Variants in PDE4D observed in about 807,000 individuals in gnomAD.
The protein encoded by PDE4D is 3',5'-cyclic-AMP phosphodiesterase 4D.
PDE4D carries 24 observed loss-of-function variants against 87.4 expected under a neutral mutation model. The ratio of observed to expected loss-of-function variants is 0.27; its 90% CI spans 0.20 to 0.39. PDE4D has a LOEUF of 0.39. Ranked by LOEUF, PDE4D falls within the 10% of genes least tolerant of loss-of-function variation. PDE4D has a pLI of 1.00. For synonymous variants in PDE4D, 384 were observed against 383.2 expected, an observed-to-expected ratio of 1.00 and a Z score of -0.02; for missense variants, 714 against 1,041.0, an observed-to-expected ratio of 0.69 and a Z score of 4.32.
chr5:59,658,968 A>G (rs2150275987), intron 1 of PDE4D, among the ~76,000 whole-genome samples: 1 of 152,182 alleles, frequency 6.6e-6, no homozygotes, highest in African/African-American at 2.4e-5. Flanking sequence ...GCACCACTGC[A>G]CTCCAGTCTG....
chr5:59,042,242 C>T (rs773882477), intron 5 of PDE4D, among the ~76,000 whole-genome samples: 10 of 152,086 alleles, frequency 6.6e-5, no homozygotes, highest in Non-Finnish European at 1.2e-4. Flanking sequence ...TAGCTAGCCA[C>T]GATTTTTCAG....
chr5:59,727,603 C>T (rs142923179), intron 1 of PDE4D, among the ~76,000 whole-genome samples: 8 of 152,066 alleles, frequency 5.3e-5, no homozygotes, highest in African/African-American at 1.7e-4. Context: ...ATCCTCAGAA[C>T]AGCTACTAAA....
chr5:59,208,135 C>G (rs1403667004), intron 2 of PDE4D, among the ~76,000 whole-genome samples: 2 of 152,126 alleles, frequency 1.3e-5, no homozygotes, highest in South Asian at 4.1e-4. Flanking sequence ...CCACTGCACT[C>G]CAACCTGCGC....
chr5:60,046,174 T>G (rs949676472), intron 2 of PDE4D, among the ~76,000 whole-genome samples: 1 of 152,210 alleles, frequency 6.6e-6, no homozygotes, highest in Non-Finnish European at 1.5e-5. Flanking sequence ...GTTTGTCTGT[T>G]GTTGGTGTAT....
chr5:60,335,724 G>T (rs1190820139), intron 1 of PDE4D, among the ~76,000 whole-genome samples: 1 of 152,134 alleles, frequency 6.6e-6, no homozygotes, highest in South Asian at 2.1e-4. Context: ...TAGTGTTTGT[G>T]TAAGTCTTTT....
intron 1 of PDE4D, among the ~76,000 whole-genome samples, chr5:59,479,874 C>T (rs1313750116): frequency 6.6e-6 from 1 of 152,024 alleles, no homozygotes; most frequent in Admixed American, 6.6e-5. Context: ...CAAGACAGTA[C>T]TGAACTCATA....
chr5:59,420,161 G>T (rs185878651), intron 1 of PDE4D, among the ~76,000 whole-genome samples: 2 of 152,216 alleles, frequency 1.3e-5, no homozygotes, highest in Admixed American at 1.3e-4. Context: ...ACAGTATCAG[G>T]TTCTCCTCAG....
chr5:59,734,628 G>C (rs1002463095), intron 1 of PDE4D, among the ~76,000 whole-genome samples: 3 of 152,078 alleles, frequency 2.0e-5, no homozygotes, highest in Admixed American at 6.6e-5. Context: ...CTGTCAAGAA[G>C]CAAAAGATAT....
At chr5:60,261,761 C>T (rs781773527) in intron 1 of PDE4D, among the ~76,000 whole-genome samples, 2 of 152,118 alleles carry the variant, frequency 1.3e-5, no homozygotes, top group African/African-American at 2.4e-5. Flanking sequence ...AAATAAAAGT[C>T]TCTTCAATTA....
At chr5:59,038,589 G>A (rs1033590249) in intron 6 of PDE4D, among the ~76,000 whole-genome samples, 55 of 152,268 alleles carry the variant, frequency 3.6e-4, no homozygotes, top group African/African-American at 1.2e-3. Flanking sequence ...CTGGGTTTCT[G>A]CTGCAAGGGC....
At chr5:59,038,650 G>C (rs1367842541) in intron 6 of PDE4D, among the ~76,000 whole-genome samples, 2 of 152,186 alleles carry the variant, frequency 1.3e-5, no homozygotes, top group Admixed American at 1.3e-4. Flanking sequence ...AATTTAGCAC[G>C]TCAAATTGCT....
intron 1 of PDE4D, among the ~76,000 whole-genome samples, chr5:60,365,517 G>A (rs1285481951): frequency 6.6e-6 from 1 of 152,052 alleles, no homozygotes; most frequent in African/African-American, 2.4e-5. Flanking sequence ...CCCAACCTGT[G>A]CAAGCAAGCC....
intron 1 of PDE4D, among the ~76,000 whole-genome samples, chr5:59,258,319 G>A (rs1049647587): frequency 3.3e-5 from 5 of 151,628 alleles, no homozygotes; most frequent in Admixed American, 1.3e-4. Flanking sequence ...TGTTTAACTC[G>A]GTCCCTCCTG....
At position 59,601,259 on chromosome 5, in the gene PDE4D, T is replaced by C. The variant is rs145789008; in HGVS notation, c.455+291909A>G. Among the ~76,000 whole-genome samples, 447 of 152,268 alleles carry C rather than the reference T, an allele frequency of 2.9e-3. 2 individuals are homozygous for C. The highest frequency in any genetic ancestry group is 0.01 in the African/African-American group (434 of 41,556). ...GGCCTAAGCTATCATAATTGTCCTT[T>C]ATAATCCAAGAAGTCATTTCTAGTA... is the stretch of plus-strand genomic sequence containing the variant. On this transcript the variant is annotated intron_variant, in intron 1 of 14. Transcript: ENST00000340635.
intron 1 of PDE4D, among the ~76,000 whole-genome samples, chr5:59,761,481 C>G (rs1027527470): frequency 6.6e-6 from 1 of 152,082 alleles, no homozygotes; most frequent in Non-Finnish European, 1.5e-5. Context: ...ACTTGAAACA[C>G]TAACATTATA....
chr5:60,146,488 A>G (rs1343403825), intron 2 of PDE4D, among the ~76,000 whole-genome samples: 1 of 152,178 alleles, frequency 6.6e-6, no homozygotes, highest in East Asian at 1.9e-4. Context: ...AACAGCAAAG[A>G]ATGTCCTCAT....
intron 5 of PDE4D, among the ~76,000 whole-genome samples, chr5:59,172,626 G>A (rs911364427): frequency 6.6e-6 from 1 of 151,442 alleles, no homozygotes; most frequent in African/African-American, 2.4e-5. Context: ...GAGGATTGCT[G>A]GAGACTGGGA....
chr5:59,413,699 T>G (rs1004187541), intron 1 of PDE4D, among the ~76,000 whole-genome samples: 19 of 152,256 alleles, frequency 1.2e-4, no homozygotes, highest in African/African-American at 4.6e-4. Flanking sequence ...CAAACAGCTT[T>G]GGAAAAGATG....
intron 1 of PDE4D, among the ~76,000 whole-genome samples, chr5:59,682,927 CCAG>C (rs1267308655): frequency 6.6e-6 from 1 of 152,036 alleles, no homozygotes; most frequent in Non-Finnish European, 1.5e-5. Flanking sequence ...AGAAACTGCT[CCAG>C]TTTAAAGGAT....
Sources: gnomAD v4.1 joint callset for allele counts (sites outside exome capture counted in the v4.1 genomes callset) on GRCh38, gnomAD v4.1.1 for gene constraint, MANE v1.5 for transcripts, NCBI Gene and HGNC (gene_info 2026-07-23, HGNC 2026-07-21) for gene names.